The following COG7 variants were observed in gnomAD, a reference collection of about 807,000 sequenced individuals.
The protein encoded by COG7 is component of oligomeric golgi complex 7, also known as conserved oligomeric Golgi complex subunit 7.
Under a neutral mutation model 91.5 loss-of-function variants are expected in COG7, and 49 were observed. The observed-to-expected ratio is 0.54, with a 90% CI of 0.43 to 0.68. The LOEUF (loss-of-function observed/expected upper bound fraction) is 0.68, where lower values mean the gene tolerates loss of function less well. Among genes scored for constraint, COG7 ranks in the 30% least tolerant of loss-of-function variants. COG7 has a pLI of 0.00. For synonymous variants in COG7, 365 were observed against 388.7 expected (o/e 0.94, Z 0.72); for missense variants, 895 against 961.3 (o/e 0.93, Z 0.91).
At chr16:23,393,987 G>A (rs2142059378) in intron 14 of COG7, among the ~76,000 whole-genome samples, 1 of 150,322 alleles carries the variant, frequency 6.7e-6, no homozygotes, top group East Asian at 2.0e-4. Context: ...AGGTTGCAGT[G>A]AGCCAAGATC....
intron 1 of COG7, among the ~76,000 whole-genome samples, chr16:23,448,859 T>C (rs1480824053): frequency 6.6e-6 from 1 of 152,196 alleles, no homozygotes; most frequent in African/African-American, 2.4e-5. Flanking sequence ...ACAGTGGACA[T>C]AATAACTGTG....
At chr16:23,452,091 T>G (rs1964274401) in intron 1 of COG7, among the ~76,000 whole-genome samples, 1 of 152,174 alleles carries the variant, frequency 6.6e-6, no homozygotes, top group Non-Finnish European at 1.5e-5. Flanking sequence ...TATCTTATAT[T>G]CTGGAAGGTG....
chr16:23,392,831 T>C (rs1230983296), intron 15 of COG7, among the ~76,000 whole-genome samples: 3 of 152,158 alleles, frequency 2.0e-5, no homozygotes, highest in Non-Finnish European at 2.9e-5. Flanking sequence ...CTCAGGAGGC[T>C]GAGGCAGGAG....
At chr16:23,390,198 T>G (rs1222827292) in intron 16 of COG7, 1 of 150,848 alleles carries the variant, frequency 6.6e-6, no homozygotes, top group African/African-American at 2.4e-5. Context: ...TAGTTTTTTT[T>G]TTTTTTTTTT....
At position 23,424,882 on chromosome 16, in the gene COG7, G is replaced by A. The variant is rs760603627; in HGVS notation, c.876C>T (p.Pro292=). The change falls in exon 7 of 17, where the codon CCC becomes CCT. Residue 292 remains proline (P), a synonymous_variant. Coordinates refer to ENST00000307149, the MANE Select transcript of COG7 (RefSeq NM_153603.4). The stretch of plus-strand genomic sequence containing the variant: ...CGTTGCTGAGGCAGGAGGGCAGCGA[G>A]GGCATGAGGGCCCCCAGGGTCTGAA... ...LLIQTLGALM[P]SLPSCLSNGV... 3 of 1,614,182 alleles carry A rather than the reference G, an allele frequency of 1.9e-6. No individual in the cohort carries two copies. Among genetic ancestry groups the A allele is most frequent in the East Asian group, 2.2e-5 (1 of 44,884 alleles).
intron 11 of COG7, among the ~76,000 whole-genome samples, chr16:23,407,322 T>TG (rs1963478681): frequency 6.6e-6 from 1 of 152,232 alleles, no homozygotes; most frequent in African/African-American, 2.4e-5. Flanking sequence ...GTGGCCTGTC[T>TG]CTGCCATTGC....
At chr16:23,404,303 T>C (rs1216894623) in intron 12 of COG7, among the ~76,000 whole-genome samples, 1 of 152,268 alleles carries the variant, frequency 6.6e-6, no homozygotes, top group Non-Finnish European at 1.5e-5. Context: ...ACAACCTCCA[T>C]GAGTCCCAAG....
At chr16:23,416,152 C>T (rs1163759633) in intron 9 of COG7, 1 of 152,126 alleles carries the variant, frequency 6.6e-6, no homozygotes, top group Non-Finnish European at 1.5e-5. Context: ...GTCTCAGCCT[C>T]CTGAGCAGCT....
Position 23,408,353 on chromosome 16 carries a change from GA to G in COG7, c.1475+1941del, listed in dbSNP as rs1475199557. Among the ~76,000 whole-genome samples the G allele has an allele frequency of 8.4e-5, 4 of 47,366 alleles. 1 individual carries two copies. Among genetic ancestry groups the G allele is most frequent in the African/African-American group, 3.5e-4 (3 of 8,508 alleles). The allele number at this position is 47,366 out of a possible 152,430, so 31.1% of individuals were successfully genotyped here. On this transcript the variant is annotated intron_variant, in intron 11 of 16. Transcript: ENST00000307149. Reference sequence around the variant, plus strand: ...GGGGCGAGTGGGGCGGGAGGTAGGGGACGAGTGGGGCGGGAGGTAGGGGACG... The same window carrying G: ...GGGGCGAGTGGGGCGGGAGGTAGGGGCGAGTGGGGCGGGAGGTAGGGGACG...
chr16:23,401,035 G>A (rs774534663), intron 13 of COG7, among the ~76,000 whole-genome samples: 1 of 151,932 alleles, frequency 6.6e-6, no homozygotes, highest in Non-Finnish European at 1.5e-5. Flanking sequence ...AAATGCTGCA[G>A]GTCATTTTTT....
Position 23,408,982 on chromosome 16 carries a change from T to C in COG7, c.1475+1313A>G, listed in dbSNP as rs1039527519. Among the ~76,000 whole-genome samples, 9 of 151,490 alleles carry C rather than the reference T, an allele frequency of 5.9e-5. 1 individual carries two copies. The highest frequency in any genetic ancestry group is 3.9e-4 in the Admixed American group (6 of 15,224). ...TATCCAAGGGAGCTCCTGAAAGAGA[T>C]GATGTCATCCTGGAAGCACTAAGCC... On this transcript the variant is annotated intron_variant, in intron 11 of 16. Coordinates refer to ENST00000307149, the MANE Select transcript of COG7 (RefSeq NM_153603.4).
chr16:23,424,297 C>CA (rs398042083), intron 7 of COG7, among the ~76,000 whole-genome samples: 13,338 of 47,398 alleles, frequency 0.28, 1,313 homozygotes, highest in East Asian at 0.4. Context: ...AACTCCATCT[C>CA]AAAAAAAAAA....
chr16:23,399,864 A>C (rs1474590006), intron 13 of COG7, among the ~76,000 whole-genome samples: 1 of 152,252 alleles, frequency 6.6e-6, no homozygotes, highest in Non-Finnish European at 1.5e-5. Flanking sequence ...CTCTACGTGC[A>C]GGATCCTGGA....
In COG7 at chr16:23,436,604, G is replaced by A. The variant is rs148116808; in HGVS notation, c.605-1886C>T. ...TAAAAAATTAACCAGGCGTGGTGGT[G>A]CATGCCTGTAATCCCAGCTACTCCA... On this transcript the variant is annotated intron_variant, in intron 4 of 16. Transcript: ENST00000307149. 2.4e-3 allele frequency among the ~76,000 whole-genome samples: 358 copies of A among 152,120 alleles called. 1 individual carries two copies. Among genetic ancestry groups the A allele is most frequent in the African/African-American group, 8.1e-3 (335 of 41,504 alleles).
At chr16:23,436,391 A>C (rs1033481489) in intron 4 of COG7, among the ~76,000 whole-genome samples, 2 of 152,124 alleles carry the variant, frequency 1.3e-5, no homozygotes, top group African/African-American at 4.8e-5. Flanking sequence ...GAGATGGAAA[A>C]GGGGAACATG....
chr16:23,407,727 C>T (rs1158351360), intron 11 of COG7, among the ~76,000 whole-genome samples: 1 of 152,134 alleles, frequency 6.6e-6, no homozygotes, highest in Non-Finnish European at 1.5e-5. Flanking sequence ...TGGTACGTGG[C>T]AGGGGCTCCA....
intron 13 of COG7, among the ~76,000 whole-genome samples, chr16:23,399,351 C>A (rs1365338989): frequency 3.9e-5 from 6 of 152,180 alleles, no homozygotes; most frequent in African/African-American, 1.4e-4. Flanking sequence ...AAAGAGCCTA[C>A]ATTTTTTCCA....
At chr16:23,450,781 TGACCACACCACTGCACTGTAGCCTGG>T (rs1964253295) in intron 1 of COG7, among the ~76,000 whole-genome samples, 1 of 151,774 alleles carries the variant, frequency 6.6e-6, no homozygotes, top group Admixed American at 6.6e-5. Flanking sequence ...CAGTGAGCAC[TGACCACACCACTGCACTGTAGCCTGG>T]GTGACAAAGT....
intron 11 of COG7, among the ~76,000 whole-genome samples, chr16:23,407,735 C>T (rs1270834244): frequency 6.6e-6 from 1 of 152,096 alleles, no homozygotes; most frequent in Admixed American, 6.6e-5. Context: ...GGCAGGGGCT[C>T]CACAACTGTT....
Sources: gnomAD v4.1 joint callset for allele counts (sites outside exome capture counted in the v4.1 genomes callset) on GRCh38, gnomAD v4.1.1 for gene constraint, MANE v1.5 for transcripts, NCBI Gene and HGNC (gene_info 2026-07-23, HGNC 2026-07-21) for gene names.